Variants in PARD3B observed in about 807,000 individuals in gnomAD.
PARD3B encodes the protein par-3 family cell polarity regulator beta.
Under a neutral mutation model 130.2 loss-of-function variants are expected in PARD3B, and 103 were observed. The observed-to-expected ratio is 0.79, with a 90% CI of 0.67 to 0.93. The LOEUF is 0.93. Ranked by LOEUF, PARD3B falls within the 40% of genes least tolerant of loss-of-function variation. The probability of loss-of-function intolerance (pLI) is 0.00; values close to 1 mark genes in which losing one functional copy is unlikely to be tolerated. For synonymous variants in PARD3B, 583 were observed against 553.2 expected (o/e 1.05, Z -0.76); for missense variants, 1,609 against 1,499.2 (o/e 1.07, Z -1.21).
intron 15 of PARD3B, among the ~76,000 whole-genome samples, chr2:205,216,709 T>C (rs2037928676): frequency 1.3e-5 from 2 of 152,174 alleles, no homozygotes; most frequent in African/African-American, 2.4e-5. Flanking sequence ...AATGATGACA[T>C]GTTTGTTAAG....
chr2:205,336,718 A>G (rs2043325942), intron 18 of PARD3B, among the ~76,000 whole-genome samples: 1 of 152,226 alleles, frequency 6.6e-6, no homozygotes. Flanking sequence ...AAGGTAAACA[A>G]AAGCAGGTAA....
intron 1 of PARD3B, among the ~76,000 whole-genome samples, chr2:204,674,389 A>G (rs540411644): frequency 1.3e-5 from 2 of 152,118 alleles, no homozygotes; most frequent in Non-Finnish European, 1.5e-5. Flanking sequence ...TTCTGGAGGA[A>G]TGAAGTTGTT....
In PARD3B at chr2:204,675,745, C is replaced by G. The variant is rs1006404177; in HGVS notation, c.121-10436C>G. On this transcript the variant is annotated intron_variant, in intron 1 of 22. Coordinates refer to ENST00000406610, the MANE Select transcript of PARD3B (RefSeq NM_001302769.2). This position sits in a 1 kb window ranked among gnomAD's most constrained non-coding sequence, Gnocchi z 4.4. ...AATTAACATTCCTTTAAATATTTAGCTGATATATGAACTAGGAAGTGAAAT... is the reference window on the plus strand; with the variant it reads ...AATTAACATTCCTTTAAATATTTAGGTGATATATGAACTAGGAAGTGAAAT... Among the ~76,000 whole-genome samples the G allele has an allele frequency of 2.2e-4, 33 of 151,988 alleles. No individual in the cohort carries two copies. The highest frequency in any genetic ancestry group is 4.0e-4 in the Non-Finnish European group (27 of 67,992).
intron 18 of PARD3B, among the ~76,000 whole-genome samples, chr2:205,353,325 G>A (rs566369147): frequency 6.6e-6 from 1 of 152,268 alleles, no homozygotes; most frequent in African/African-American, 2.4e-5. Context: ...CCCCTTGATA[G>A]TGCATTAGTA....
At chr2:204,717,853 AG>A (rs1199969585) in intron 2 of PARD3B, among the ~76,000 whole-genome samples, 1 of 152,168 alleles carries the variant, frequency 6.6e-6, no homozygotes, top group Non-Finnish European at 1.5e-5. Flanking sequence ...ACTGACAACC[AG>A]GGAAGGGATA....
intron 16 of PARD3B, among the ~76,000 whole-genome samples, chr2:205,271,759 G>T (rs892760552): frequency 2.0e-5 from 3 of 152,138 alleles, no homozygotes; most frequent in African/African-American, 7.2e-5. Flanking sequence ...TTCCACTGAT[G>T]CTCCCATATT....
chr2:204,603,246 T>C (rs2033585136), intron 1 of PARD3B, among the ~76,000 whole-genome samples: 1 of 152,190 alleles, frequency 6.6e-6, no homozygotes, highest in Non-Finnish European at 1.5e-5. Context: ...ATTTGCAGTC[T>C]GTCAACCTCT....
chr2:205,220,930 G>C (rs967921616), intron 15 of PARD3B, among the ~76,000 whole-genome samples: 3 of 152,194 alleles, frequency 2.0e-5, no homozygotes, highest in African/African-American at 7.2e-5. Context: ...CTGTGCAGAT[G>C]ATATTGGAGG....
chr2:205,110,436 T>G (rs1703547739), intron 5 of PARD3B, among the ~76,000 whole-genome samples: 1 of 152,214 alleles, frequency 6.6e-6, no homozygotes, highest in South Asian at 2.1e-4. Context: ...GGTTTCAGTT[T>G]TATCAATTAG....
At chr2:204,657,019 T>C (rs1166180470) in intron 1 of PARD3B, among the ~76,000 whole-genome samples, 1 of 152,208 alleles carries the variant, frequency 6.6e-6, no homozygotes, top group Non-Finnish European at 1.5e-5. Context: ...ATTTGTAATT[T>C]TAGAACTGCT....
At chr2:205,034,227 T>G (rs1221249070) in intron 3 of PARD3B, among the ~76,000 whole-genome samples, 1 of 152,168 alleles carries the variant, frequency 6.6e-6, no homozygotes, top group South Asian at 2.1e-4. Flanking sequence ...TTGGCATGCC[T>G]CTGTTGAGTG....
intron 22 of PARD3B, among the ~76,000 whole-genome samples, chr2:205,612,322 T>G (rs1290304255): frequency 6.6e-6 from 1 of 152,104 alleles, no homozygotes; most frequent in Admixed American, 6.5e-5. Flanking sequence ...CCAGCTAACT[T>G]TTGTAATTTT....
intron 3 of PARD3B, among the ~76,000 whole-genome samples, chr2:204,972,170 T>G (rs1280129212): frequency 6.6e-6 from 1 of 152,274 alleles, no homozygotes; most frequent in Non-Finnish European, 1.5e-5. Context: ...TTGTATTGAG[T>G]AAAACTATGA....
chr2:205,238,014 A>T (rs1197500461), intron 15 of PARD3B, among the ~76,000 whole-genome samples: 1 of 152,192 alleles, frequency 6.6e-6, no homozygotes, highest in Non-Finnish European at 1.5e-5. Flanking sequence ...TATATCTCAC[A>T]ATGAACAGTT....
chr2:204,547,442 A>C (rs901256480), intron 1 of PARD3B, among the ~76,000 whole-genome samples: 23 of 152,326 alleles, frequency 1.5e-4, no homozygotes, highest in African/African-American at 4.6e-4. Flanking sequence ...AGTGGTTTAT[A>C]AAGCTGTGTG....
chr2:204,892,542 A>G (rs1177139841), intron 2 of PARD3B, among the ~76,000 whole-genome samples: 1 of 152,218 alleles, frequency 6.6e-6, no homozygotes, highest in Non-Finnish European at 1.5e-5. Flanking sequence ...GATTTTGAAG[A>G]TGTCGTATGA....
chr2:204,935,495 C>T (rs113902893), intron 2 of PARD3B, among the ~76,000 whole-genome samples: 22 of 150,058 alleles, frequency 1.5e-4, no homozygotes, highest in Admixed American at 5.3e-4. Flanking sequence ...GCCAAGATGG[C>T]GCCACTGTAC....
chr2:204,878,139 G>GT (rs1419229184), intron 2 of PARD3B, among the ~76,000 whole-genome samples: 13 of 152,170 alleles, frequency 8.5e-5, no homozygotes, highest in African/African-American at 2.7e-4. Context: ...AAAAAGTCAT[G>GT]TAACAGCACA....
At position 205,351,195 on chromosome 2, in the gene PARD3B, A is replaced by G. The variant is rs2043982832; in HGVS notation, c.2630+49494A>G. ...GTTTGAACAATGGTCATTAAATGTT[A>G]TTCTCTCTGTCACCTTGCTGTCTCC... On this transcript the variant is annotated intron_variant, in intron 18 of 22. Coordinates refer to ENST00000406610, the MANE Select transcript of PARD3B (RefSeq NM_001302769.2). The surrounding 1 kb of genome is among the most constrained non-coding windows in gnomAD (Gnocchi z 4.2). Among the ~76,000 whole-genome samples, 1 of 152,204 alleles carries G rather than the reference A, an allele frequency of 6.6e-6. No individual in the cohort carries two copies. The highest frequency in any genetic ancestry group is 2.1e-4 in the South Asian group (1 of 4,834).
Sources: gnomAD v4.1 joint callset for allele counts (sites outside exome capture counted in the v4.1 genomes callset) on GRCh38, gnomAD v4.1.1 for gene constraint, Gnocchi (gnomAD v3.1) non-coding constraint, MANE v1.5 for transcripts, NCBI Gene and HGNC (gene_info 2026-07-23, HGNC 2026-07-21) for gene names.